Variants in SGCZ observed in about 807,000 individuals in gnomAD.
The protein encoded by SGCZ is zeta-sarcoglycan.
A neutral mutation model predicts 41.3 loss-of-function variants in SGCZ; 40 were observed. The observed-to-expected ratio is 0.97, with a 90% CI of 0.75 to 1.26. The LOEUF is 1.26. SGCZ is among the 50% of genes most tolerant of loss of function. The pLI, the probability that SGCZ is intolerant of heterozygous loss-of-function variation, is 0.00. For synonymous variants in SGCZ, 206 were observed against 137.5 expected, an observed-to-expected ratio of 1.50 and a Z score of -3.49; for missense variants, 552 against 369.8, an observed-to-expected ratio of 1.49 and a Z score of -4.04.
intron 3 of SGCZ, among the ~76,000 whole-genome samples, chr8:14,314,767 T>G (rs1368063991): frequency 3.9e-5 from 6 of 152,136 alleles, no homozygotes; most frequent in Non-Finnish European, 8.8e-5. Flanking sequence ...TTCCTCAGCT[T>G]TTAGTGGACC....
intron 1 of SGCZ, among the ~76,000 whole-genome samples, chr8:14,827,482 C>G (rs1345800935): frequency 6.6e-6 from 1 of 152,056 alleles, no homozygotes; most frequent in Non-Finnish European, 1.5e-5. Flanking sequence ...TATGATGCAC[C>G]CGCCTTGGCC....
intron 1 of SGCZ, among the ~76,000 whole-genome samples, chr8:14,927,394 C>CCA (rs1383152600): frequency 2.6e-5 from 4 of 151,978 alleles, no homozygotes; most frequent in Non-Finnish European, 5.9e-5. Context: ...CAGGCGTGAG[C>CCA]CACCGCGCCC....
intron 3 of SGCZ, among the ~76,000 whole-genome samples, chr8:14,312,202 C>T (rs7007516): frequency 0.67 from 101,568 of 152,008 alleles, 34,675 homozygotes; most frequent in Non-Finnish European, 0.76. Context: ...AGATTTGAAA[C>T]GTTCAGAACG....
chr8:14,384,932 T>C (rs766463572), intron 2 of SGCZ, among the ~76,000 whole-genome samples: 1 of 152,218 alleles, frequency 6.6e-6, no homozygotes, highest in South Asian at 2.1e-4. Context: ...TAACTGAAAA[T>C]GTTACGTCAG....
At chr8:14,403,064 G>C (rs1161629002) in intron 2 of SGCZ, among the ~76,000 whole-genome samples, 2 of 148,762 alleles carry the variant, frequency 1.3e-5, no homozygotes, top group Admixed American at 6.6e-5. Flanking sequence ...GTGAATGGGA[G>C]TTCACTCATG....
rs74534388 is a variant in SGCZ at position 14,802,220 on chromosome 8, C to A, written c.40-247294G>T. Among the ~76,000 whole-genome samples, 1,432 of 152,222 alleles carry A rather than the reference C, an allele frequency of 9.4e-3. 19 individuals carry two copies. Among genetic ancestry groups the A allele is most frequent in the South Asian group, 0.044 (210 of 4,824 alleles). On this transcript the variant is annotated intron_variant, in intron 1 of 7. Transcript: ENST00000382080. ...ACCTACACCCTCCTCCTATCCTTTG[C>A]ATGGGAATAAGAAAGACAAAAATTT...
intron 1 of SGCZ, among the ~76,000 whole-genome samples, chr8:14,929,728 A>G (rs1799872126): frequency 6.6e-6 from 1 of 152,046 alleles, no homozygotes. Flanking sequence ...CAGCAGTGGT[A>G]TGAATGCAGG....
chr8:14,875,816 G>C (rs1263333233), intron 1 of SGCZ, among the ~76,000 whole-genome samples: 1 of 152,152 alleles, frequency 6.6e-6, no homozygotes. Context: ...ACCTTGAATA[G>C]ATGATTTCAC....
chr8:15,075,146 T>A (rs1250110720), intron 1 of SGCZ, among the ~76,000 whole-genome samples: 2 of 150,356 alleles, frequency 1.3e-5, no homozygotes, highest in Non-Finnish European at 3.0e-5. Flanking sequence ...TCTTTATATA[T>A]CTCATCTTCA....
At chr8:14,532,566 G>C (rs1345647248) in intron 2 of SGCZ, among the ~76,000 whole-genome samples, 1 of 151,828 alleles carries the variant, frequency 6.6e-6, no homozygotes, top group African/African-American at 2.4e-5. Flanking sequence ...GTGGGAGCAA[G>C]TGGAATAGCA....
intron 2 of SGCZ, among the ~76,000 whole-genome samples, chr8:14,498,406 T>C (rs2117045990): frequency 6.6e-6 from 1 of 152,252 alleles, no homozygotes; most frequent in Middle Eastern, 3.4e-3. Flanking sequence ...CTTTTTATCA[T>C]AATGAAGCAT....
chr8:14,229,590 CT>C (rs1388610367), intron 4 of SGCZ, among the ~76,000 whole-genome samples: 1 of 151,878 alleles, frequency 6.6e-6, no homozygotes, highest in Admixed American at 6.6e-5. Flanking sequence ...GCACAACTCA[CT>C]TTACATCAAA....
chr8:14,261,225 A>C (rs780971166), intron 3 of SGCZ, among the ~76,000 whole-genome samples: 5 of 152,232 alleles, frequency 3.3e-5, no homozygotes, highest in Non-Finnish European at 7.3e-5. Context: ...TAATACAGAG[A>C]CATCTGAGCT....
chr8:14,304,375 C>T (rs1198220845), intron 3 of SGCZ, among the ~76,000 whole-genome samples: 1 of 152,084 alleles, frequency 6.6e-6, no homozygotes, highest in African/African-American at 2.4e-5. Flanking sequence ...AGAAGGATTG[C>T]TTGAGCCCAT....
intron 1 of SGCZ, among the ~76,000 whole-genome samples, chr8:14,601,454 T>G (rs537239548): frequency 5.2e-4 from 79 of 152,176 alleles, no homozygotes; most frequent in Non-Finnish European, 8.2e-4. Flanking sequence ...GTTGGTTCCT[T>G]TTTTTTCAAA....
intron 1 of SGCZ, among the ~76,000 whole-genome samples, chr8:15,081,361 A>T (rs1392278069): frequency 6.6e-6 from 1 of 152,098 alleles, no homozygotes. Context: ...GTTTTTCTCA[A>T]TTTTTTAAAT....
intron 1 of SGCZ, among the ~76,000 whole-genome samples, chr8:14,671,007 C>T (rs533362095): frequency 1.1e-4 from 16 of 152,328 alleles, no homozygotes; most frequent in African/African-American, 3.8e-4. Context: ...ATGTTTCTAG[C>T]TCTCAAGCTT....
At chr8:14,270,263 C>T (rs1314954511) in intron 3 of SGCZ, among the ~76,000 whole-genome samples, 8 of 151,806 alleles carry the variant, frequency 5.3e-5, no homozygotes, top group Admixed American at 2.0e-4. Flanking sequence ...ACCTGGGAGG[C>T]GGAGGTTGCA....
rs149879399 is a variant in SGCZ, at chr8:14,541,640, T to A, written c.234+13092A>T. Reference sequence around the variant, plus strand: ...AGAATAATACATAATCCTTTGGGTATATGCCCAATAATGGAATTGCTGGGT... The same window carrying A: ...AGAATAATACATAATCCTTTGGGTAAATGCCCAATAATGGAATTGCTGGGT... On this transcript the variant is annotated intron_variant, in intron 2 of 7. Transcript: ENST00000382080. Among the ~76,000 whole-genome samples, 376 of 152,254 alleles carry A rather than the reference T, an allele frequency of 2.5e-3. 3 individuals are homozygous for A. Among genetic ancestry groups the A allele is most frequent in the African/African-American group, 8.7e-3 (362 of 41,560 alleles).
Sources: allele counts gnomAD v4.1 joint callset (sites outside exome capture counted in the v4.1 genomes callset), GRCh38; gene constraint gnomAD v4.1.1; transcripts MANE v1.5; gene names NCBI Gene and HGNC (gene_info 2026-07-23, HGNC 2026-07-21).